The following FRAS1 variants were observed in gnomAD, a reference collection of about 807,000 sequenced individuals.
The protein encoded by FRAS1 is extracellular matrix organizing protein FRAS1.
FRAS1 carries 290 observed loss-of-function variants against 435.2 expected under a neutral mutation model. That is an observed-to-expected ratio of 0.67 (90% CI 0.61 to 0.73). The LOEUF is 0.73. Among genes scored for constraint, FRAS1 ranks in the 30% least tolerant of loss-of-function variants. FRAS1 has a pLI of 0.00. For missense variants in FRAS1, 4,860 were observed against 5,001.5 expected (o/e 0.97, Z 0.85); for synonymous variants, 1,800 against 1,851.0 (o/e 0.97, Z 0.71).
Position 78,311,025 on chromosome 4 carries a change from A to G in FRAS1, c.1678+2816A>G, listed in dbSNP as rs578089595. 6.6e-5 allele frequency among the ~76,000 whole-genome samples: 10 copies of G among 152,340 alleles called. No homozygotes were observed. In the South Asian group the frequency reaches 1.0e-3, roughly 16 times the overall value. On this transcript the variant is annotated intron_variant, in intron 15 of 73. Transcript: ENST00000512123. Reference sequence around the variant, plus strand: ...CGTTCAACAAATATTAGATATAAAGAGTGGGGCAATTCAAAGGAGGAAACC... The same window carrying G: ...CGTTCAACAAATATTAGATATAAAGGGTGGGGCAATTCAAAGGAGGAAACC...
intron 24 of FRAS1, 98 bp from the exon 25 acceptor site, chr4:78,374,013 C>G: frequency 8.4e-7 from 1 of 1,189,506 alleles, no homozygotes; most frequent in Non-Finnish European, 1.2e-6. Flanking sequence ...GTACACTAGG[C>G]TGTACTGCTG....
intron 47 of FRAS1, among the ~76,000 whole-genome samples, chr4:78,457,608 C>T (rs1412505152): frequency 6.6e-6 from 1 of 152,134 alleles, no homozygotes; most frequent in African/African-American, 2.4e-5. Flanking sequence ...ATTGAAAATC[C>T]TTTCATCAGC....
In FRAS1 at chr4:78,539,380, T is replaced by C. The variant is rs759472101; in HGVS notation, c.11385T>C (p.His3795=). The change falls in exon 73 of 74, where the codon CAT becomes CAC. Residue 3795 remains histidine, a synonymous_variant. Transcript: ENST00000512123. The part of the protein sequence containing the change: ...AHFASELPDF[H]VVSNMPGVDG... ...TTGCCTCTGAGTTGCCTGATTTCCA[T>C]GTGGTCAGTAACATGCCAGGTGTGG... 3.7e-6 allele frequency: 6 copies of C among 1,612,952 alleles called. No homozygotes were observed. Among genetic ancestry groups the C allele is most frequent in the Admixed American group, 3.3e-5 (2 of 59,914 alleles).
intron 25 of FRAS1, 49 bp from the exon 26 acceptor site, chr4:78,375,690 G>C: frequency 6.7e-7 from 1 of 1,489,390 alleles, no homozygotes; most frequent in South Asian, 1.4e-5. Flanking sequence ...TTTCTTTGTC[G>C]CTGGTGTTGC....
At chr4:78,329,057 T>G (rs1377254497) in intron 18 of FRAS1, among the ~76,000 whole-genome samples, 1 of 152,204 alleles carries the variant, frequency 6.6e-6, no homozygotes, top group African/African-American at 2.4e-5. Flanking sequence ...TTCTGACTGT[T>G]GTTCCCACTA....
intron 6 of FRAS1, among the ~76,000 whole-genome samples, chr4:78,255,754 C>G (rs1222473012): frequency 6.6e-6 from 1 of 152,142 alleles, no homozygotes; most frequent in Non-Finnish European, 1.5e-5. Flanking sequence ...AGACATAATG[C>G]ATATCTTTGA....
chr4:78,198,374 A>G (rs1316419030), intron 2 of FRAS1, among the ~76,000 whole-genome samples: 1 of 147,558 alleles, frequency 6.8e-6, no homozygotes, highest in Non-Finnish European at 1.5e-5. Context: ...TTGCATTAGC[A>G]TTTCCTCTGT....
At chr4:78,469,909 TA>T in intron 50 of FRAS1, 68 bp from the exon 51 acceptor site, 1 of 1,100,404 alleles carries the variant, frequency 9.1e-7, no homozygotes, top group Non-Finnish European at 1.4e-6. Flanking sequence ...TACAGCTGTG[TA>T]GGCCCTGGAC....
rs6835840 is a variant in FRAS1 at position 78,515,088 on chromosome 4, C to T, written c.10175-711C>T. Among the ~76,000 whole-genome samples the T allele has an allele frequency of 9.4e-3, 1,203 of 128,370 alleles. 15 individuals are homozygous for T. Among genetic ancestry groups the T allele is most frequent in the African/African-American group, 0.032 (1,146 of 35,324 alleles). 84.2% of individuals were successfully genotyped at this position (128,370 alleles called of 152,430 possible). A position where few individuals can be genotyped will look rare whatever the true frequency, so the allele number is the denominator to read the frequency against. On this transcript the variant is annotated intron_variant, in intron 65 of 73. Coordinates refer to ENST00000512123, the MANE Select transcript of FRAS1 (RefSeq NM_025074.7). ...ATCTCAAAAAAAAAAAAAAATTTAA[C>T]CCTCATATTCTAAAATTGTGTCTGT... is the stretch of plus-strand genomic sequence containing the variant.
At chr4:78,382,455 C>G (rs1732056961) in intron 27 of FRAS1, among the ~76,000 whole-genome samples, 1 of 151,948 alleles carries the variant, frequency 6.6e-6, no homozygotes, top group African/African-American at 2.4e-5. Flanking sequence ...TTATTGGAAC[C>G]TCAGTGCCAC....
intron 2 of FRAS1, among the ~76,000 whole-genome samples, chr4:78,141,043 T>G (rs1720159787): frequency 1.3e-5 from 2 of 152,150 alleles, no homozygotes; most frequent in Non-Finnish European, 2.9e-5. Flanking sequence ...GAAATTTGGC[T>G]TATTACTTCT....
At chr4:78,307,335 C>T (rs1308035972) in intron 14 of FRAS1, among the ~76,000 whole-genome samples, 1 of 152,192 alleles carries the variant, frequency 6.6e-6, no homozygotes, top group Admixed American at 6.5e-5. Context: ...GTGCCCTGCC[C>T]CCAGAGGTGG....
chr4:78,199,254 C>A (rs983391616), intron 2 of FRAS1, among the ~76,000 whole-genome samples: 1 of 152,174 alleles, frequency 6.6e-6, no homozygotes, highest in African/African-American at 2.4e-5. Flanking sequence ...TGGAAAATGA[C>A]AAATGAGTTC....
Position 78,375,673 on chromosome 4 carries a change from C to A in FRAS1, c.3152-66C>A, listed in dbSNP as rs936199717. ...GTGCTCTGACTCTTCTGGTTGCAAGCCCTTTATTTCTTTGTCGCTGGTGTT... is the reference window on the plus strand; with the variant it reads ...GTGCTCTGACTCTTCTGGTTGCAAGACCTTTATTTCTTTGTCGCTGGTGTT... On this transcript the variant is annotated intron_variant, in intron 25 of 73. Coordinates refer to ENST00000512123, the MANE Select transcript of FRAS1 (RefSeq NM_025074.7). 73 of 1,402,006 alleles carry A rather than the reference C, an allele frequency of 5.2e-5. No homozygotes were observed. In the African/African-American group the frequency reaches 7.9e-4, roughly 15 times the overall value. The allele number at this position is 1,402,006 out of a possible 1,614,324, so 86.8% of individuals were successfully genotyped here.
chr4:78,304,849 GTC>G (rs1728623236), intron 14 of FRAS1, among the ~76,000 whole-genome samples: 2 of 151,440 alleles, frequency 1.3e-5, no homozygotes, highest in African/African-American at 4.8e-5. Context: ...GGTTTTTTGT[GTC>G]TCTATTTCCT....
chr4:78,338,984 G>A (rs1189783035), intron 20 of FRAS1, among the ~76,000 whole-genome samples: 7 of 152,220 alleles, frequency 4.6e-5, no homozygotes, highest in Non-Finnish European at 7.3e-5. Context: ...GATTCGGAGC[G>A]GAAGCCCAAG....
intron 14 of FRAS1, among the ~76,000 whole-genome samples, chr4:78,288,078 G>A (rs1428394132): frequency 6.6e-6 from 1 of 152,182 alleles, no homozygotes; most frequent in East Asian, 1.9e-4. Flanking sequence ...TCAAAGACCA[G>A]TGTTTCAATA....
intron 18 of FRAS1, among the ~76,000 whole-genome samples, chr4:78,324,527 A>G (rs1278454978): frequency 6.6e-6 from 1 of 152,130 alleles, no homozygotes; most frequent in Non-Finnish European, 1.5e-5. Context: ...ATCACAACCA[A>G]TAATTTTGTT....
intron 20 of FRAS1, among the ~76,000 whole-genome samples, chr4:78,339,164 C>T (rs1010343131): frequency 6.6e-6 from 1 of 152,150 alleles, no homozygotes; most frequent in Non-Finnish European, 1.5e-5. Flanking sequence ...TAGTAGTGCC[C>T]ATCCCTGAAA....
Sources: allele counts gnomAD v4.1 joint callset (sites outside exome capture counted in the v4.1 genomes callset), GRCh38; gene constraint gnomAD v4.1.1; transcripts MANE v1.5; gene names NCBI Gene and HGNC (gene_info 2026-07-23, HGNC 2026-07-21).